SIPA1L3: variants seen among roughly 807,000 people sequenced by gnomAD.
SIPA1L3 encodes signal induced proliferation associated 1 like 3.
Under a neutral mutation model 150.1 loss-of-function variants are expected in SIPA1L3, and 59 were observed. The observed-to-expected ratio is 0.39, with a 90% confidence interval of 0.32 to 0.49. The LOEUF is 0.49. SIPA1L3 is among the 20% of genes least tolerant of loss of function. The pLI is 0.86. For synonymous variants in SIPA1L3, 1,070 were observed against 1,077.6 expected (o/e 0.99, Z 0.14); for missense variants, 2,211 against 2,489.5 (o/e 0.89, Z 2.38).
At chr19:38,202,225 G>T (rs1973103591) in intron 20 of SIPA1L3, among the ~76,000 whole-genome samples, 1 of 152,204 alleles carries the variant, frequency 6.6e-6, no homozygotes, top group Non-Finnish European at 1.5e-5. Flanking sequence ...AGTCCCAACA[G>T]ATCTCCCAGT....
At chr19:38,099,337 C>CT (rs11434268) in intron 4 of SIPA1L3, among the ~76,000 whole-genome samples, 73,119 of 145,430 alleles carry the variant, frequency 0.5, 18,469 homozygotes, top group East Asian at 0.75. Flanking sequence ...CACGCCTGGC[C>CT]TTTTTTTTTT....
At chr19:37,979,989 G>T (rs766218646) in intron 1 of SIPA1L3, among the ~76,000 whole-genome samples, 1 of 152,202 alleles carries the variant, frequency 6.6e-6, no homozygotes, top group Non-Finnish European at 1.5e-5. Flanking sequence ...GCAGGTCTAG[G>T]CCTGCCCTCA....
intron 7 of SIPA1L3, 200 bp from the exon 8 acceptor site, chr19:38,110,027 C>G (rs1164691263): frequency 1.8e-6 from 1 of 571,422 alleles, no homozygotes; most frequent in Non-Finnish European, 3.1e-6. Flanking sequence ...TGTTTCTGGC[C>G]ATGGTGAGGC....
At chr19:38,170,210 G>A (rs879359726) in intron 15 of SIPA1L3, among the ~76,000 whole-genome samples, 35 of 152,264 alleles carry the variant, frequency 2.3e-4, no homozygotes, top group Non-Finnish European at 3.8e-4. Flanking sequence ...AGAATGAGAC[G>A]GACTCCCACT....
At chr19:38,063,993 C>T (rs903892211) in intron 2 of SIPA1L3, among the ~76,000 whole-genome samples, 4 of 152,210 alleles carry the variant, frequency 2.6e-5, no homozygotes, top group African/African-American at 4.8e-5. Flanking sequence ...GGCCTCTCAC[C>T]TGCGCTTTCA....
chr19:38,119,784 T>G lies in SIPA1L3; in HGVS notation c.2770T>G (p.Ser924Ala). The G allele has an allele frequency of 3.7e-6, 6 of 1,613,904 alleles. No individual in the cohort carries two copies. The highest frequency in any genetic ancestry group is 4.2e-6 in the Non-Finnish European group (5 of 1,180,028). Reference sequence around the variant, plus strand: ...TGTCATTGGCTGGACTCCAGACTCCTCCACACTCAAAATCTTCTATGGACG... The same window carrying G: ...TGTCATTGGCTGGACTCCAGACTCCGCCACACTCAAAATCTTCTATGGACG... ...GDVIGWTPDS[S>A]TLKIFYGRGD... Residue 924 changes from serine (S) to alanine (A), a missense_variant, in exon 9 of 22, where the codon TCC (serine) becomes GCC (alanine). By Grantham distance (99) the Ser-to-Ala change is moderately conservative. This residue lies in a region of SIPA1L3 where 625 missense variants were observed against 804.2 expected (regional missense o/e 0.78). Transcript: ENST00000222345.
intron 15 of SIPA1L3, among the ~76,000 whole-genome samples, chr19:38,179,896 G>A (rs113227260): frequency 0.028 from 4,282 of 151,940 alleles, 83 homozygotes; most frequent in Non-Finnish European, 0.042. Flanking sequence ...AGGCTAGAGT[G>A]CAGTGGCGCA....
Position 38,082,856 on chromosome 19 carries a change from C to G in SIPA1L3, c.1291C>G (p.Arg431Gly). Residue 431 changes from arginine to glycine, a missense_variant, in exon 3 of 22, where the codon CGC (arginine) becomes GGC (glycine). Arg to Gly is a moderately radical substitution (Grantham distance 125, BLOSUM62 -2). Around this residue, in one of 5 missense-constraint regions of SIPA1L3, gnomAD observed 587 missense variants for 534.5 expected, o/e 1.10. Transcript: ENST00000222345. Reference sequence around the variant, plus strand: ...CCTGCTGCTCAGCTGCCCGCACTTCCGCAATGAGATCGGGGGCGAGTGTGA... The same window carrying G: ...CCTGCTGCTCAGCTGCCCGCACTTCGGCAATGAGATCGGGGGCGAGTGTGA... ...NDLLLSCPHFRNEIGGECERN... is the reference protein window; with the variant it reads ...NDLLLSCPHFGNEIGGECERN... The G allele has an allele frequency of 6.2e-7, 1 of 1,613,696 alleles. No homozygotes were observed. Among genetic ancestry groups the G allele is most frequent in the Non-Finnish European group, 8.5e-7 (1 of 1,179,918 alleles).
At chr19:37,922,179 G>A (rs769605667) in intron 1 of SIPA1L3, among the ~76,000 whole-genome samples, 5 of 152,032 alleles carry the variant, frequency 3.3e-5, no homozygotes, top group Non-Finnish European at 7.4e-5. Flanking sequence ...CGGCCCCACC[G>A]GGTTCAAGCA....
In SIPA1L3 at chr19:38,100,069, C is replaced by T. The variant is rs201802608; in HGVS notation, c.1773C>T (p.Pro591=). 8.1e-6 allele frequency: 13 copies of T among 1,612,460 alleles called. No homozygotes were observed. Among genetic ancestry groups the T allele is most frequent in the Admixed American group, 3.4e-5 (2 of 59,692 alleles). The part of the protein sequence containing the change: ...PLKDALEYVI[P]ELNIHCLRLA... The stretch of plus-strand genomic sequence containing the variant: ...AGGATGCCCTGGAGTATGTCATCCC[C>T]GAGCTCAACATCCACTGCCTGCGGC... The change falls in exon 5 of 22, where the codon CCC becomes CCT. Residue 591 remains proline (P), a synonymous_variant. Transcript: ENST00000222345.
rs1436538186 is a variant in SIPA1L3, at chr19:38,082,467, T to A, written c.902T>A (p.Ile301Asn). ...LGGGDTVDSS[I>N]FRKLRSSKPE... ...GGCGGGGACACGGTGGACTCGTCCA[T>A]CTTTCGGAAGCTAAGGAGCAGCAAA... Residue 301 changes from isoleucine (I) to asparagine (N), a missense_variant, in exon 3 of 22, where the codon ATC becomes AAC. Physicochemically the swap from Ile to Asn is moderately radical, Grantham distance 149 (BLOSUM62 -3). Coordinates refer to ENST00000222345, the MANE Select transcript of SIPA1L3 (RefSeq NM_015073.3). 1.3e-6 allele frequency: 2 copies of A among 1,590,318 alleles called. No homozygotes were observed. Among genetic ancestry groups the A allele is most frequent in the South Asian group, 2.2e-5 (2 of 89,306 alleles).
chr19:37,945,323 C>T lies in SIPA1L3; in HGVS notation c.-379+37965C>T, dbSNP rs764806607. Among the ~76,000 whole-genome samples the T allele has an allele frequency of 7.2e-5, 11 of 152,104 alleles. No homozygotes were observed. In the South Asian group the frequency reaches 8.3e-4, roughly 11 times the overall value. On this transcript the variant is annotated intron_variant, in intron 1 of 21. Coordinates refer to ENST00000222345, the MANE Select transcript of SIPA1L3 (RefSeq NM_015073.3). ...GATCTCGGCTCACTGCAACCTCCAC[C>T]TCCCAGGTTCAAGTGATTCTCCTGC...
chr19:38,068,087 A>G (rs894231876), intron 2 of SIPA1L3, among the ~76,000 whole-genome samples: 2 of 144,618 alleles, frequency 1.4e-5, no homozygotes, highest in South Asian at 2.2e-4. Context: ...CAGTGGCGCT[A>G]TCTCGGCTCA....
At chr19:38,180,861 C>T (rs1972539815) in intron 15 of SIPA1L3, among the ~76,000 whole-genome samples, 1 of 152,038 alleles carries the variant, frequency 6.6e-6, no homozygotes. Flanking sequence ...TAACTTTCAA[C>T]TCCTTTTCTA....
intron 1 of SIPA1L3, among the ~76,000 whole-genome samples, chr19:38,027,959 G>A (rs1248578895): frequency 2.0e-5 from 3 of 152,036 alleles, no homozygotes; most frequent in East Asian, 1.9e-4. Flanking sequence ...AGTGAAATGA[G>A]TCAGCACTTG....
chr19:38,190,077 G>A (rs1972773387), intron 16 of SIPA1L3, among the ~76,000 whole-genome samples: 1 of 152,130 alleles, frequency 6.6e-6, no homozygotes, highest in Non-Finnish European at 1.5e-5. Flanking sequence ...ACTCATGTGA[G>A]CCTTTCTGAA....
chr19:37,958,408 C>T (rs540617990), intron 1 of SIPA1L3, among the ~76,000 whole-genome samples: 60 of 152,194 alleles, frequency 3.9e-4, no homozygotes, highest in Non-Finnish European at 6.3e-4. Context: ...CCTGGGCAAC[C>T]GAGTGAGTCC....
chr19:38,014,884 T>C (rs1968196584), intron 1 of SIPA1L3, among the ~76,000 whole-genome samples: 1 of 152,060 alleles, frequency 6.6e-6, no homozygotes, highest in Admixed American at 6.6e-5. Context: ...TTAGCCAGGA[T>C]GGTCTCGATC....
At chr19:38,033,671 G>A (rs1034153519) in intron 2 of SIPA1L3, among the ~76,000 whole-genome samples, 1 of 13,442 alleles carries the variant, frequency 7.4e-5, no homozygotes, top group African/African-American at 1.5e-4. Context: ...AGAGAGATAC[G>A]TATGTGTGTG....
Sources: gnomAD v4.1 joint callset for allele counts (sites outside exome capture counted in the v4.1 genomes callset) on GRCh38, gnomAD v4.1.1 for gene constraint, gnomAD v4.1.1 regional missense constraint, MANE v1.5 for transcripts, NCBI Gene and HGNC (gene_info 2026-07-23, HGNC 2026-07-21) for gene names.